Variants in TMEM163 observed in about 807,000 individuals in gnomAD.
The protein encoded by TMEM163 is transmembrane protein 163.
TMEM163 carries 17 observed loss-of-function variants against 29.3 expected under a neutral mutation model. The ratio of observed to expected loss-of-function variants is 0.58; its 90% CI spans 0.40 to 0.87. The LOEUF (loss-of-function observed/expected upper bound fraction) is 0.87. Among genes scored for constraint, TMEM163 ranks in the 40% least tolerant of loss-of-function variants. TMEM163 has a pLI of 0.00. For synonymous variants in TMEM163, 157 were observed against 160.6 expected, an observed-to-expected ratio of 0.98 and a Z score of 0.17; for missense variants, 303 against 381.5, an observed-to-expected ratio of 0.79 and a Z score of 1.71.
At chr2:134,472,028 C>T (rs879653625) in intron 5 of TMEM163, among the ~76,000 whole-genome samples, 17 of 152,210 alleles carry the variant, frequency 1.1e-4, no homozygotes, top group Non-Finnish European at 2.5e-4. Context: ...GTTGAATCTT[C>T]ACTGATTGAT....
chr2:134,678,843 A>C (rs1164374506), intron 2 of TMEM163, among the ~76,000 whole-genome samples: 2 of 152,236 alleles, frequency 1.3e-5, no homozygotes, highest in African/African-American at 4.8e-5. Context: ...AATTTTTATA[A>C]AGCTATTTTG....
rs115694539 is a variant in TMEM163 at position 134,539,095 on chromosome 2, C to T, written c.458+11475G>A. On this transcript the variant is annotated intron_variant, in intron 4 of 7. Coordinates refer to ENST00000281924, the MANE Select transcript of TMEM163 (RefSeq NM_030923.5). ...TTGAGTACCTACTTTAGGTCAAACA[C>T]TGTACCAAGCAATGTTATTATCTCA... 4.6e-3 allele frequency among the ~76,000 whole-genome samples: 698 copies of T among 152,292 alleles called. 5 individuals are homozygous for T. The highest frequency in any genetic ancestry group is 0.014 in the Middle Eastern group (4 of 294).
intron 2 of TMEM163, among the ~76,000 whole-genome samples, chr2:134,570,895 T>C (rs1681406986): frequency 6.6e-6 from 1 of 152,232 alleles, no homozygotes; most frequent in African/African-American, 2.4e-5. Flanking sequence ...AACAGGATTC[T>C]GACATCATTC....
At chr2:134,599,134 G>A (rs1682165770) in intron 2 of TMEM163, among the ~76,000 whole-genome samples, 1 of 151,762 alleles carries the variant, frequency 6.6e-6, no homozygotes, top group East Asian at 1.9e-4. Flanking sequence ...TTGCAAGTAT[G>A]TAGGTGTTGA....
intron 2 of TMEM163, among the ~76,000 whole-genome samples, chr2:134,612,268 A>C (rs1331392665): frequency 6.6e-6 from 1 of 152,202 alleles, no homozygotes; most frequent in Non-Finnish European, 1.5e-5. Context: ...TAGTTGTTTG[A>C]CATCACAGCT....
chr2:134,522,055 C>T (rs184250808), intron 4 of TMEM163, among the ~76,000 whole-genome samples: 98 of 152,248 alleles, frequency 6.4e-4, no homozygotes, highest in Non-Finnish European at 1.2e-3. Flanking sequence ...TCCGTTTCTC[C>T]GAAGCATGCC....
chr2:134,626,946 A>G (rs1682865936), intron 2 of TMEM163, among the ~76,000 whole-genome samples: 1 of 152,220 alleles, frequency 6.6e-6, no homozygotes, highest in Non-Finnish European at 1.5e-5. Context: ...ATGCTTCCAA[A>G]CTGCCTTCTG....
chr2:134,699,392 G>A (rs1334632535), intron 2 of TMEM163, among the ~76,000 whole-genome samples: 4 of 151,936 alleles, frequency 2.6e-5, no homozygotes, highest in East Asian at 3.9e-4. Flanking sequence ...TAGTGCCAGC[G>A]ATTTGGGAGG....
At chr2:134,543,004 A>G (rs1208366630) in intron 4 of TMEM163, among the ~76,000 whole-genome samples, 1 of 152,216 alleles carries the variant, frequency 6.6e-6, no homozygotes, top group Non-Finnish European at 1.5e-5. Flanking sequence ...CTAATCAAAC[A>G]TAACCTGATC....
chr2:134,636,175 C>CCACCA (rs1355354207), intron 2 of TMEM163, among the ~76,000 whole-genome samples: 2 of 152,186 alleles, frequency 1.3e-5, no homozygotes, highest in Non-Finnish European at 2.9e-5. Flanking sequence ...AGGGCTGTGT[C>CCACCA]CACCACACCA....
At chr2:134,467,063 C>A (rs1291339455) in intron 5 of TMEM163, 1 of 152,164 alleles carries the variant, frequency 6.6e-6, no homozygotes, top group Admixed American at 6.5e-5. Flanking sequence ...AATTCACAAA[C>A]CTCATGTCAG....
At chr2:134,638,829 G>C (rs1446829586) in intron 2 of TMEM163, among the ~76,000 whole-genome samples, 1 of 152,224 alleles carries the variant, frequency 6.6e-6, no homozygotes, top group Non-Finnish European at 1.5e-5. Context: ...TGAATTGAAT[G>C]AAGGTGAGCT....
intron 2 of TMEM163, among the ~76,000 whole-genome samples, chr2:134,580,940 A>G (rs574341344): frequency 6.5e-4 from 99 of 152,278 alleles, no homozygotes; most frequent in African/African-American, 2.2e-3. Flanking sequence ...GGACAGGAGC[A>G]AGATGTGGAT....
intron 2 of TMEM163, among the ~76,000 whole-genome samples, chr2:134,621,610 G>A (rs1414657390): frequency 6.6e-6 from 1 of 152,156 alleles, no homozygotes; most frequent in African/African-American, 2.4e-5. Flanking sequence ...CCCAATGTGG[G>A]CCGGGCGTGG....
intron 2 of TMEM163, among the ~76,000 whole-genome samples, chr2:134,648,223 C>T (rs1410544415): frequency 1.3e-5 from 2 of 152,196 alleles, no homozygotes; most frequent in African/African-American, 4.8e-5. Context: ...CTCTCTGAAG[C>T]AATACCATCA....
chr2:134,577,644 G>A (rs1681589308), intron 2 of TMEM163, among the ~76,000 whole-genome samples: 1 of 152,090 alleles, frequency 6.6e-6, no homozygotes, highest in South Asian at 2.1e-4. Context: ...GCAGGTCTCC[G>A]CAGGTGTTCC....
At chr2:134,668,683 C>T (rs1396452844) in intron 2 of TMEM163, among the ~76,000 whole-genome samples, 2 of 151,702 alleles carry the variant, frequency 1.3e-5, no homozygotes, top group Non-Finnish European at 2.9e-5. Context: ...TTTCTCCTCT[C>T]CACCCCATAA....
chr2:134,497,000 A>G (rs1679580394), intron 5 of TMEM163, among the ~76,000 whole-genome samples: 1 of 151,840 alleles, frequency 6.6e-6, no homozygotes. Context: ...CTTGCCCACA[A>G]CCACCCTTCC....
chr2:134,618,594 A>G (rs1010012641), intron 2 of TMEM163, among the ~76,000 whole-genome samples: 2 of 152,198 alleles, frequency 1.3e-5, no homozygotes, highest in Admixed American at 6.5e-5. Flanking sequence ...GATTATTTTC[A>G]GATGCATATG....
Sources: allele counts gnomAD v4.1 joint callset (sites outside exome capture counted in the v4.1 genomes callset), GRCh38; gene constraint gnomAD v4.1.1; transcripts MANE v1.5; gene names NCBI Gene and HGNC (gene_info 2026-07-23, HGNC 2026-07-21).